Variants in EVL observed in about 807,000 individuals in gnomAD.
EVL encodes ena/VASP-like protein.
Under a neutral mutation model 59.6 loss-of-function variants are expected in EVL, and 21 were observed. The ratio of observed to expected loss-of-function variants is 0.35; its 90% CI spans 0.25 to 0.51. The LOEUF (loss-of-function observed/expected upper bound fraction) is 0.51, where lower values mean the gene tolerates loss of function less well. Ranked by LOEUF, EVL falls within the 20% of genes least tolerant of loss-of-function variation. The pLI is 0.97. For synonymous variants in EVL, 198 were observed against 203.5 expected (o/e 0.97, Z 0.23); for missense variants, 462 against 546.6 (o/e 0.85, Z 1.54).
chr14:100,134,240 G>T (rs549100436), intron 8 of EVL, among the ~76,000 whole-genome samples: 5 of 152,274 alleles, frequency 3.3e-5, no homozygotes, highest in African/African-American at 1.2e-4. Context: ...CTGTGGCCTC[G>T]CTCCAGCCAC....
intron 1 of EVL, among the ~76,000 whole-genome samples, chr14:100,072,316 C>G (rs1170302955): frequency 6.6e-6 from 1 of 152,324 alleles, no homozygotes; most frequent in East Asian, 1.9e-4. Context: ...CCTACACCTC[C>G]CTGTGCCTCC....
chr14:100,132,753 GAGA>G lies in EVL; in HGVS notation c.880_882del (p.Lys294del), dbSNP rs1200397092. ...AGCCTCCCAGTCAGACAAGCCAGCC[GAGA>G]AGAAGGAAGATGAAAGCCAAATGGT... On this transcript the variant is annotated inframe_deletion, in exon 8 of 14. Transcript: ENST00000392920. 30 of 1,614,064 alleles carry G rather than the reference GAGA, an allele frequency of 1.9e-5. No individual in the cohort carries two copies. The highest frequency in any genetic ancestry group is 4.4e-5 in the South Asian group (4 of 91,092).
chr14:100,054,203 C>T lies in EVL; in HGVS notation c.6-30484C>T, dbSNP rs949271878. Among the ~76,000 whole-genome samples the T allele has an allele frequency of 5.9e-5, 9 of 151,748 alleles. No individual in the cohort carries two copies. The South Asian group carries it at 1.0e-3, about 18-fold the overall frequency. On this transcript the variant is annotated intron_variant, in intron 1 of 13. Coordinates refer to the EVL transcript ENST00000402714. ...CCAAGTAGCTGGGATTATAGGCACG[C>T]GCCACCACACCCAGCTAATTTTTGT...
At chr14:100,039,827 C>G (rs1029389294) in intron 1 of EVL, among the ~76,000 whole-genome samples, 3 of 151,958 alleles carry the variant, frequency 2.0e-5, no homozygotes, top group African/African-American at 7.3e-5. Flanking sequence ...GCTCTGTTAC[C>G]GAGGTTGGAA....
At chr14:99,973,832 T>G (rs2060752002) in intron 1 of EVL, among the ~76,000 whole-genome samples, 1 of 152,238 alleles carries the variant, frequency 6.6e-6, no homozygotes, top group African/African-American at 2.4e-5. Context: ...CACCAGAAAT[T>G]CATTTTTGTG....
chr14:100,142,095 G>A (rs1255876711), intron 13 of EVL: 4 of 250,772 alleles, frequency 1.6e-5, no homozygotes, highest in East Asian at 7.7e-5. Context: ...CCCCAGCATC[G>A]TTCCAGAGCC....
chr14:100,072,644 C>G (rs1229846327), intron 1 of EVL, among the ~76,000 whole-genome samples: 1 of 152,170 alleles, frequency 6.6e-6, no homozygotes, highest in Non-Finnish European at 1.5e-5. Flanking sequence ...GTCCCTAGGA[C>G]TGAAGTATCA....
chr14:100,005,722 T>C (rs1247810679), intron 1 of EVL, among the ~76,000 whole-genome samples: 2 of 152,034 alleles, frequency 1.3e-5, no homozygotes, highest in African/African-American at 2.4e-5. Flanking sequence ...TGAGCTTCTT[T>C]TAAAAAACTT....
intron 1 of EVL, among the ~76,000 whole-genome samples, chr14:100,034,447 C>T (rs1039665785): frequency 6.6e-6 from 1 of 151,844 alleles, no homozygotes; most frequent in African/African-American, 2.4e-5. Flanking sequence ...GAATCTGGAC[C>T]TGGCAATTAG....
intron 1 of EVL, among the ~76,000 whole-genome samples, chr14:100,041,760 G>T (rs1254811948): frequency 6.6e-6 from 1 of 152,164 alleles, no homozygotes; most frequent in Non-Finnish European, 1.5e-5. Context: ...AAATGAATGT[G>T]TCAGTTTTAG....
intron 3 of EVL, among the ~76,000 whole-genome samples, chr14:100,104,860 G>A (rs1453589123): frequency 6.6e-6 from 1 of 150,958 alleles, no homozygotes; most frequent in East Asian, 1.9e-4. Context: ...TTAAAGATAG[G>A]AAGGGTTTTA....
intron 2 of EVL, among the ~76,000 whole-genome samples, chr14:100,090,979 T>A (rs192502983): frequency 6.6e-6 from 1 of 152,234 alleles, no homozygotes; most frequent in East Asian, 1.9e-4. Context: ...AGCTACAAAC[T>A]ATTATAGTAA....
At chr14:100,018,607 C>G (rs917931673) in intron 1 of EVL, among the ~76,000 whole-genome samples, 1 of 152,148 alleles carries the variant, frequency 6.6e-6, no homozygotes, top group Admixed American at 6.5e-5. Context: ...AGGGCACACC[C>G]AGGCTGCGTG....
chr14:100,122,882 A>G (rs1159348348), intron 3 of EVL, among the ~76,000 whole-genome samples: 1 of 152,224 alleles, frequency 6.6e-6, no homozygotes, highest in African/African-American at 2.4e-5. Flanking sequence ...TTCAGGGTCC[A>G]GGGCAGGGTG....
intron 3 of EVL, chr14:100,102,238 C>A (rs79157777): frequency 2.2e-6 from 1 of 455,892 alleles, no homozygotes; most frequent in Non-Finnish European, 4.4e-6. Context: ...ACAAGTGCAG[C>A]GCAGCATAGA....
intron 1 of EVL, among the ~76,000 whole-genome samples, chr14:100,038,979 C>A (rs970973455): frequency 2.0e-5 from 3 of 152,008 alleles, no homozygotes; most frequent in African/African-American, 7.3e-5. Flanking sequence ...CAGCCATGAC[C>A]CATAGGGCCC....
chr14:100,094,847 C>G (rs1159158275), intron 2 of EVL, among the ~76,000 whole-genome samples: 2 of 152,046 alleles, frequency 1.3e-5, no homozygotes, highest in African/African-American at 4.8e-5. Flanking sequence ...TGAGACCATC[C>G]CAGCTAACAC....
intron 1 of EVL, among the ~76,000 whole-genome samples, chr14:99,992,717 G>C (rs773693035): frequency 6.6e-6 from 1 of 152,152 alleles, no homozygotes; most frequent in East Asian, 1.9e-4. Context: ...TTGTGCCCTT[G>C]TTGAAGATTA....
chr14:100,021,746 A>G (rs1419147860), intron 1 of EVL, among the ~76,000 whole-genome samples: 1 of 152,192 alleles, frequency 6.6e-6, no homozygotes, highest in Non-Finnish European at 1.5e-5. Flanking sequence ...TCTGGAGACC[A>G]GACTTAACAA....
Sources: allele counts gnomAD v4.1 joint callset (sites outside exome capture counted in the v4.1 genomes callset), GRCh38; gene constraint gnomAD v4.1.1; transcripts MANE v1.5; gene names NCBI Gene and HGNC (gene_info 2026-07-23, HGNC 2026-07-21).